The following RSU1 variants were observed in gnomAD, a reference collection of about 807,000 sequenced individuals.
RSU1 encodes the protein Ras suppressor protein 1.
RSU1 carries 26 observed loss-of-function variants against 31.1 expected under a neutral mutation model. The observed-to-expected ratio is 0.84, with a 90% confidence interval of 0.61 to 1.16. The LOEUF is 1.16. Among genes scored for constraint, RSU1 ranks in the 50% most tolerant of loss-of-function variants. The pLI, the probability that RSU1 is intolerant of heterozygous loss-of-function variation, is 0.00. For synonymous variants in RSU1, 164 were observed against 136.3 expected, an observed-to-expected ratio of 1.20 and a Z score of -1.41; for missense variants, 320 against 339.1, an observed-to-expected ratio of 0.94 and a Z score of 0.44.
At chr10:16,667,010 A>G (rs1835003447) in intron 8 of RSU1, among the ~76,000 whole-genome samples, 1 of 151,148 alleles carries the variant, frequency 6.6e-6, no homozygotes, top group South Asian at 2.1e-4. Context: ...AAAAAAACCA[A>G]ACCAAAACAA....
At chr10:16,640,859 C>A (rs1025297584) in intron 8 of RSU1, among the ~76,000 whole-genome samples, 1 of 152,234 alleles carries the variant, frequency 6.6e-6, no homozygotes, top group South Asian at 2.1e-4. Flanking sequence ...TCAGGCACCA[C>A]TGAATCCCTT....
intron 2 of RSU1, among the ~76,000 whole-genome samples, chr10:16,785,601 C>T (rs1280760025): frequency 7.9e-5 from 12 of 151,316 alleles, no homozygotes; most frequent in African/African-American, 1.5e-4. Context: ...ACTTTGCCCC[C>T]GTGATCCAGT....
intron 8 of RSU1, among the ~76,000 whole-genome samples, chr10:16,665,805 G>C (rs996990580): frequency 2.6e-5 from 4 of 152,124 alleles, no homozygotes; most frequent in Non-Finnish European, 2.9e-5. Context: ...CTAAAATTTA[G>C]ACAAATTTCT....
chr10:16,650,796 T>C (rs1466525736), intron 8 of RSU1, among the ~76,000 whole-genome samples: 1 of 152,024 alleles, frequency 6.6e-6, no homozygotes, highest in Admixed American at 6.6e-5. Flanking sequence ...TTAACCAGGA[T>C]GGTCTTGATC....
intron 7 of RSU1, among the ~76,000 whole-genome samples, chr10:16,715,812 G>C (rs189872152): frequency 1.3e-3 from 201 of 152,240 alleles, no homozygotes; most frequent in African/African-American, 4.7e-3. Flanking sequence ...ATGAACTTTA[G>C]GGTGGGATTT....
chr10:16,764,539 T>C, intron 3 of RSU1, 29 bp from the exon 4 acceptor site: 2 of 1,602,260 alleles, frequency 1.2e-6, no homozygotes, highest in Non-Finnish European at 1.7e-6. Context: ...TGAGTGTGAA[T>C]CTGGGAATGG....
chr10:16,698,753 G>T (rs1356708694), intron 7 of RSU1, among the ~76,000 whole-genome samples: 1 of 152,214 alleles, frequency 6.6e-6, no homozygotes, highest in African/African-American at 2.4e-5. Context: ...AAGGGAAAAG[G>T]AGTCACACGC....
Position 16,720,937 on chromosome 10 carries a change from A to T in RSU1, c.599-25782T>A, listed in dbSNP as rs140283452. Among the ~76,000 whole-genome samples the T allele has an allele frequency of 1.6e-4, 24 of 152,256 alleles. No homozygotes were observed. In the East Asian group the frequency reaches 4.6e-3, roughly 29 times the overall value. On this transcript the variant is annotated intron_variant, in intron 7 of 8. Transcript: ENST00000345264. ...GAGAGTTTGAGGCTGCAGTGAGCTG[A>T]GACTGCACCACTGCACTCCAGCCTG...
chr10:16,592,425 T>C lies in RSU1; in HGVS notation c.*969A>G, dbSNP rs1396929813. ...CACAGATGTTAAACAAACAATTGAT[T>C]GTTTAATGACTCTGCAACTGTGGTT... On this transcript the variant is annotated 3_prime_UTR_variant, in exon 9 of 9. Transcript: ENST00000345264. The C allele has an allele frequency of 6.6e-6, 1 of 152,238 alleles. No individual in the cohort carries two copies. The highest frequency in any genetic ancestry group is 6.5e-5 in the Admixed American group (1 of 15,280). The allele number at this position is 152,238 out of a possible 1,614,324, so 9.4% of individuals were successfully genotyped here. A position where few individuals can be genotyped will look rare whatever the true frequency, so the allele number is the denominator to read the frequency against.
intron 7 of RSU1, among the ~76,000 whole-genome samples, chr10:16,707,363 C>T (rs887036119): frequency 1.3e-5 from 2 of 152,100 alleles, no homozygotes; most frequent in African/African-American, 4.8e-5. Flanking sequence ...CAATGTGTTT[C>T]CCTTTCTCCA....
chr10:16,765,369 G>A (rs1223388479), intron 3 of RSU1, among the ~76,000 whole-genome samples: 1 of 151,884 alleles, frequency 6.6e-6, no homozygotes, highest in Admixed American at 6.6e-5. Flanking sequence ...CACACACAAA[G>A]GTTACATCAG....
chr10:16,679,156 A>G (rs1337810569), intron 8 of RSU1, among the ~76,000 whole-genome samples: 2 of 152,220 alleles, frequency 1.3e-5, no homozygotes, highest in Non-Finnish European at 2.9e-5. Flanking sequence ...AATGAACTGT[A>G]TAACTTGGAA....
At chr10:16,674,351 C>G (rs1246575627) in intron 8 of RSU1, among the ~76,000 whole-genome samples, 1 of 147,610 alleles carries the variant, frequency 6.8e-6, no homozygotes, top group Admixed American at 6.8e-5. Context: ...AACTCAGACA[C>G]AAGGAAAAGG....
chr10:16,745,309 C>T (rs919068416), intron 7 of RSU1, among the ~76,000 whole-genome samples: 6 of 152,034 alleles, frequency 3.9e-5, no homozygotes, highest in African/African-American at 1.2e-4. Flanking sequence ...ACAAAGACAC[C>T]AGGAGGTGGG....
chr10:16,789,966 T>C (rs1202349024), intron 2 of RSU1, among the ~76,000 whole-genome samples: 4 of 152,170 alleles, frequency 2.6e-5, no homozygotes, highest in South Asian at 4.1e-4. Context: ...CTAGCCTCTT[T>C]AGGAATGTTA....
chr10:16,683,726 T>C (rs941707942), intron 8 of RSU1, among the ~76,000 whole-genome samples: 1 of 152,170 alleles, frequency 6.6e-6, no homozygotes, highest in African/African-American at 2.4e-5. Flanking sequence ...TGAGAACATA[T>C]GTCCAAGGTG....
intron 6 of RSU1, 29 bp from the exon 7 acceptor site, chr10:16,752,682 T>C: frequency 6.6e-7 from 1 of 1,517,644 alleles, no homozygotes; most frequent in Admixed American, 1.7e-5. Flanking sequence ...GTTGTCAACA[T>C]ATTTACACAT....
chr10:16,766,716 G>C (rs191531687), intron 3 of RSU1, among the ~76,000 whole-genome samples: 5 of 150,002 alleles, frequency 3.3e-5, no homozygotes, highest in African/African-American at 9.8e-5. Flanking sequence ...ACTCTATCTC[G>C]AGAAGAGAAA....
chr10:16,808,815 G>C (rs1364102487), intron 2 of RSU1, among the ~76,000 whole-genome samples: 1 of 152,150 alleles, frequency 6.6e-6, no homozygotes, highest in African/African-American at 2.4e-5. Flanking sequence ...GTTAAAATGA[G>C]GTCCTTAAGG....
Sources: gnomAD v4.1 joint callset for allele counts (sites outside exome capture counted in the v4.1 genomes callset) on GRCh38, gnomAD v4.1.1 for gene constraint, MANE v1.5 for transcripts, NCBI Gene and HGNC (gene_info 2026-07-23, HGNC 2026-07-21) for gene names.